Variants in GLRA2 observed in about 807,000 individuals in gnomAD.
The protein encoded by GLRA2 is glycine receptor subunit alpha-2.
Under a neutral mutation model 31.6 loss-of-function variants are expected in GLRA2, and 11 were observed. The ratio of observed to expected loss-of-function variants is 0.35; its 90% confidence interval spans 0.22 to 0.58. GLRA2 has a LOEUF of 0.58. Among genes scored for constraint, GLRA2 ranks in the 20% least tolerant of loss-of-function variants. The pLI is 0.84. For missense variants in GLRA2, 212 were observed against 351.8 expected (o/e 0.60, Z 3.18); for synonymous variants, 132 against 134.0 (o/e 0.99, Z 0.10).
Position 14,700,340 on chromosome X carries a change from G to A in GLRA2, c.1080+9481G>A, listed in dbSNP as rs146411664. 3.2e-3 allele frequency among the ~76,000 whole-genome samples: 352 copies of A among 110,820 alleles called. 1 individual carries two copies. Among genetic ancestry groups the A allele is most frequent in the African/African-American group, 0.011 (320 of 30,456 alleles). The stretch of plus-strand genomic sequence containing the variant: ...GGGGCAGGGACGGAGCAGGAAGAGG[G>A]AATGGAAGGGGAAGGCAGTGTAAGG... On this transcript the variant is annotated intron_variant, in intron 8 of 8. Coordinates refer to ENST00000218075, the MANE Select transcript of GLRA2 (RefSeq NM_002063.4).
intron 7 of GLRA2, among the ~76,000 whole-genome samples, chrX:14,657,502 C>T (rs975875706): frequency 1.8e-5 from 2 of 112,569 alleles, no homozygotes; most frequent in African/African-American, 6.5e-5. Context: ...GGGATCAGCA[C>T]AAAGAGCCAG....
intron 7 of GLRA2, among the ~76,000 whole-genome samples, chrX:14,617,227 T>C (rs1033998185): frequency 1.8e-4 from 20 of 111,264 alleles, no homozygotes; most frequent in African/African-American, 6.2e-4. Flanking sequence ...TGGGTCCAAA[T>C]GGCTTGGGTT....
At chrX:14,715,422 G>A (rs946945695) in intron 8 of GLRA2, among the ~76,000 whole-genome samples, 1 of 112,127 alleles carries the variant, frequency 8.9e-6, no homozygotes, top group African/African-American at 3.2e-5. Flanking sequence ...TGCATTCAAT[G>A]TAGGAAGATT....
chrX:14,623,029 C>T (rs1288897769), intron 7 of GLRA2, among the ~76,000 whole-genome samples: 2 of 111,512 alleles, frequency 1.8e-5, no homozygotes, highest in African/African-American at 3.3e-5. Flanking sequence ...TTTCGTTGAG[C>T]AGTGGTTTGT....
upstream of GLRA2, among the ~76,000 whole-genome samples, chrX:14,527,166 G>A (rs1305338427): frequency 1.8e-5 from 2 of 111,583 alleles, no homozygotes; most frequent in Non-Finnish European, 3.8e-5. Context: ...TAGGAGAGCT[G>A]AGAAATCAAA....
chrX:14,637,830 T>C (rs1453780269), intron 7 of GLRA2, among the ~76,000 whole-genome samples: 9 of 111,890 alleles, frequency 8.0e-5, no homozygotes, highest in African/African-American at 2.6e-4. Flanking sequence ...TTTATAATAC[T>C]ACACATAATC....
chrX:14,451,028 C>T, the GLRA2 span, among the ~76,000 whole-genome samples: 1 of 111,383 alleles, frequency 9.0e-6, no homozygotes, highest in African/African-American at 3.3e-5. Flanking sequence ...AAAAAAAATT[C>T]CAACCAAAAA....
At chrX:14,686,019 T>C (rs1040814093) in intron 7 of GLRA2, among the ~76,000 whole-genome samples, 8 of 112,025 alleles carry the variant, frequency 7.1e-5, no homozygotes, top group African/African-American at 2.6e-4. Flanking sequence ...GTGTCTTTGT[T>C]CTCATTGGTT....
At chrX:14,608,478 C>T (rs1325227594) in intron 6 of GLRA2, among the ~76,000 whole-genome samples, 1 of 111,271 alleles carries the variant, frequency 9.0e-6, no homozygotes, top group Non-Finnish European at 1.9e-5. Context: ...TCTTTAAATA[C>T]TTTGTAGTTT....
chrX:14,622,171 G>A (rs1454944304), intron 7 of GLRA2, among the ~76,000 whole-genome samples: 1 of 112,116 alleles, frequency 8.9e-6, no homozygotes, highest in African/African-American at 3.2e-5. Context: ...TTTGAGAAGT[G>A]TCTGTTCATA....
chrX:14,541,525 T>A (rs1421311460), intron 2 of GLRA2, among the ~76,000 whole-genome samples: 1 of 112,057 alleles, frequency 8.9e-6, no homozygotes, highest in Non-Finnish European at 1.9e-5. Flanking sequence ...TTTATTTGCA[T>A]TTAAATACTT....
chrX:14,586,287 T>C (rs2090079800), intron 4 of GLRA2, among the ~76,000 whole-genome samples: 1 of 112,186 alleles, frequency 8.9e-6, no homozygotes, highest in Admixed American at 9.5e-5. Flanking sequence ...ATCTCAGTGT[T>C]AATAAACCTT....
At chrX:14,730,143 T>C in intron 8 of GLRA2, 64 bp from the exon 9 acceptor site, 1 of 851,933 alleles carries the variant, frequency 1.2e-6, no homozygotes, top group South Asian at 2.3e-5. Flanking sequence ...TAAAGAATTT[T>C]AAGCATCTTC....
chrX:14,531,330 T>C (rs2089253166), intron 1 of GLRA2, among the ~76,000 whole-genome samples: 1 of 111,975 alleles, frequency 8.9e-6, no homozygotes, highest in East Asian at 2.8e-4. Flanking sequence ...TTTGTTAAAC[T>C]ATTGAAAACA....
At chrX:14,612,034 T>C (rs2090404292) in intron 7 of GLRA2, among the ~76,000 whole-genome samples, 1 of 111,819 alleles carries the variant, frequency 8.9e-6, no homozygotes, top group Non-Finnish European at 1.9e-5. Flanking sequence ...ATATTACATG[T>C]ACTATAAAGG....
chrX:14,556,883 A>AC (rs201940060), intron 2 of GLRA2, among the ~76,000 whole-genome samples: 2,241 of 111,349 alleles, frequency 0.02, 49 homozygotes, highest in African/African-American at 0.069. Context: ...ACCACAATTT[A>AC]CCATCTACTT....
the GLRA2 span, among the ~76,000 whole-genome samples, chrX:14,514,165 ACAT>A: frequency 1.8e-5 from 2 of 110,807 alleles, no homozygotes; most frequent in African/African-American, 6.6e-5. Context: ...GGAAAACCAA[ACAT>A]CATATGTTCT....
chrX:14,623,557 G>A (rs1273055509), intron 7 of GLRA2, among the ~76,000 whole-genome samples: 1 of 111,632 alleles, frequency 9.0e-6, no homozygotes, highest in Non-Finnish European at 1.9e-5. Flanking sequence ...TTTTTAGCAT[G>A]AAGGGCCATT....
chrX:14,489,958 T>G, the GLRA2 span, among the ~76,000 whole-genome samples: 1 of 110,440 alleles, frequency 9.1e-6, no homozygotes, highest in Admixed American at 9.6e-5. Context: ...TTTCCAAACA[T>G]GAGGAAATAA....
Sources: gnomAD v4.1 joint callset for allele counts (sites outside exome capture counted in the v4.1 genomes callset) on GRCh38, gnomAD v4.1.1 for gene constraint, MANE v1.5 for transcripts, NCBI Gene and HGNC (gene_info 2026-07-23, HGNC 2026-07-21) for gene names.